The following GPM6B variants were observed in gnomAD, a reference collection of about 807,000 sequenced individuals.
GPM6B encodes neuronal membrane glycoprotein M6-b.
A neutral mutation model predicts 27.2 loss-of-function variants in GPM6B; 4 were observed. The observed-to-expected ratio is 0.15, with a 90% CI of 0.07 to 0.34. GPM6B has a LOEUF of 0.34. Ranked by LOEUF, GPM6B falls within the 10% of genes least tolerant of loss-of-function variation. The pLI is 1.00. For synonymous variants in GPM6B, 124 were observed against 103.1 expected (o/e 1.20, Z -1.23); for missense variants, 183 against 261.9 (o/e 0.70, Z 2.08).
intron 1 of GPM6B, among the ~76,000 whole-genome samples, chrX:13,893,678 T>C (rs1393272207): frequency 1.8e-5 from 2 of 111,931 alleles, no homozygotes; most frequent in African/African-American, 6.5e-5. Context: ...TAGCCCATGG[T>C]TTTTAATACC....
intron 1 of GPM6B, among the ~76,000 whole-genome samples, chrX:13,918,146 C>T (rs2050446037): frequency 1.8e-5 from 2 of 112,624 alleles, no homozygotes; most frequent in South Asian, 7.3e-4. Context: ...TGCTTATAAC[C>T]CTTATAATTT....
At chrX:13,866,968 G>C (rs1164870685) in intron 1 of GPM6B, among the ~76,000 whole-genome samples, 3 of 111,991 alleles carry the variant, frequency 2.7e-5, no homozygotes, top group African/African-American at 6.5e-5. Context: ...GTCTAGAAGA[G>C]ACAATTGAAG....
chrX:13,896,831 G>C (rs921984425), intron 1 of GPM6B, among the ~76,000 whole-genome samples: 4 of 111,930 alleles, frequency 3.6e-5, no homozygotes, highest in Non-Finnish European at 7.5e-5. Context: ...GCCTCCCAAA[G>C]TGCTGGGATT....
rs1374114358 is a variant in GPM6B at position 13,861,053 on chromosome X, TATATATACAC to T, written c.-197-75255_-197-75246del. On this transcript the variant is annotated intron_variant, in intron 1 of 6. Transcript: ENST00000398361. ...ACACACACACACACACATATATACATATATATACACATACATATATATACATATACACACA... is the reference window on the plus strand; with the variant it reads ...ACACACACACACACACATATATACATATACATATATATACATATACACACA... 1.1e-4 allele frequency among the ~76,000 whole-genome samples: 12 copies of T among 105,566 alleles called. No individual in the cohort carries two copies. In the Admixed American group the frequency reaches 1.2e-3, roughly 11 times the overall value. The allele number at this position is 105,566 out of a possible 115,157, so 91.7% of individuals were successfully genotyped here.
Position 13,807,722 on chromosome X carries a change from G to C in GPM6B, c.109C>G (p.Pro37Ala). ...TGGTACTGGTGGTTCTTTGAGCCTG[G>C]GTACATCCAGTGGTACCTGCCAATT... ...MEIGRYHWMY[P>A]GSKNHQYHPV... Residue 37 changes from proline to alanine, a missense_variant, in exon 2 of 8, where the codon CCA becomes GCA. Physicochemically the swap from Pro to Ala is conservative, Grantham distance 27 (BLOSUM62 -1). Coordinates refer to ENST00000316715, the MANE Select transcript of GPM6B (RefSeq NM_001001995.3). 10 of 1,205,479 alleles carry C rather than the reference G, an allele frequency of 8.3e-6. No homozygotes were observed. The highest frequency in any genetic ancestry group is 1.1e-5 in the Non-Finnish European group (10 of 890,536).
chrX:13,815,613 T>C (rs2049220179), intron 1 of GPM6B, among the ~76,000 whole-genome samples: 2 of 111,899 alleles, frequency 1.8e-5, no homozygotes, highest in African/African-American at 6.5e-5. Flanking sequence ...GTAAATTTTA[T>C]GTTATGTGTA....
intron 1 of GPM6B, among the ~76,000 whole-genome samples, chrX:13,842,384 T>C (rs1311418498): frequency 8.9e-6 from 1 of 111,791 alleles, no homozygotes; most frequent in Non-Finnish European, 1.9e-5. Flanking sequence ...GCGAAATATA[T>C]CATAAAGTGC....
intron 1 of GPM6B, among the ~76,000 whole-genome samples, chrX:13,874,009 G>A (rs2050006546): frequency 9.0e-6 from 1 of 111,026 alleles, no homozygotes; most frequent in Non-Finnish European, 1.9e-5. Context: ...AATAACACGA[G>A]AATACTTAAT....
intron 1 of GPM6B, among the ~76,000 whole-genome samples, chrX:13,852,547 A>G (rs752001774): frequency 9.0e-6 from 1 of 111,233 alleles, no homozygotes; most frequent in East Asian, 2.8e-4. Context: ...CTTCGCCCAG[A>G]AAAGGAGCAC....
chrX:13,872,873 G>A (rs1012023863), intron 1 of GPM6B, among the ~76,000 whole-genome samples: 1 of 111,107 alleles, frequency 9.0e-6, no homozygotes, highest in Non-Finnish European at 1.9e-5. Context: ...TGAGGCCAGA[G>A]AGTACTTACT....
chrX:13,863,144 C>T (rs977861981), intron 1 of GPM6B, among the ~76,000 whole-genome samples: 3 of 112,089 alleles, frequency 2.7e-5, no homozygotes, highest in African/African-American at 9.7e-5. Flanking sequence ...CTCCTCAGTT[C>T]TGTTCTGATA....
intron 5 of GPM6B, among the ~76,000 whole-genome samples, chrX:13,778,945 A>G (rs1406412033): frequency 1.8e-5 from 2 of 112,033 alleles, no homozygotes; most frequent in African/African-American, 6.5e-5. Context: ...CACATGAGAA[A>G]AACAGCAAAA....
intron 1 of GPM6B, among the ~76,000 whole-genome samples, chrX:13,840,099 A>G (rs2049554413): frequency 1.8e-5 from 2 of 112,420 alleles, no homozygotes; most frequent in Non-Finnish European, 3.8e-5. Flanking sequence ...AATGAAAACA[A>G]TTGGCAATGT....
chrX:13,809,805 C>T (rs1241487436), intron 1 of GPM6B, among the ~76,000 whole-genome samples: 2 of 107,408 alleles, frequency 1.9e-5, no homozygotes, highest in African/African-American at 6.8e-5. Context: ...GGCATAGTGG[C>T]GCACACTTGT....
chrX:13,905,021 GC>G (rs1278510488), intron 1 of GPM6B, among the ~76,000 whole-genome samples: 1 of 109,012 alleles, frequency 9.2e-6, no homozygotes, highest in African/African-American at 3.3e-5. Context: ...GATTGCTTGA[GC>G]CCAGGAGTTT....
chrX:13,789,465 A>C (rs1224739383), intron 2 of GPM6B, among the ~76,000 whole-genome samples: 1 of 112,136 alleles, frequency 8.9e-6, no homozygotes, highest in Non-Finnish European at 1.9e-5. Flanking sequence ...AGAATTCTGG[A>C]CTTTATCTTC....
chrX:13,785,927 G>A (rs1298166326), intron 2 of GPM6B, 119 bp from the exon 3 acceptor site: 7 of 549,345 alleles, frequency 1.3e-5, no homozygotes, highest in Non-Finnish European at 2.0e-5. Flanking sequence ...AGGCTCTATG[G>A]TTAATATTAA....
intron 1 of GPM6B, among the ~76,000 whole-genome samples, chrX:13,905,230 C>CAA (rs199791285): frequency 0.33 from 21,210 of 64,456 alleles, 3,184 homozygotes; most frequent in East Asian, 0.63. Flanking sequence ...GGCCCTGTCT[C>CAA]AAAAAAAAAA....
intron 4 of GPM6B, among the ~76,000 whole-genome samples, chrX:13,782,783 A>AG (rs1295255689): frequency 1.8e-5 from 2 of 109,427 alleles, no homozygotes; most frequent in Non-Finnish European, 3.8e-5. Context: ...AGAAAAAAAA[A>AG]AAAATTCTTG....
Sources: gnomAD v4.1 joint callset for allele counts (sites outside exome capture counted in the v4.1 genomes callset) on GRCh38, gnomAD v4.1.1 for gene constraint, MANE v1.5 for transcripts, NCBI Gene and HGNC (gene_info 2026-07-23, HGNC 2026-07-21) for gene names.